The following FLI1 variants were observed in gnomAD, a reference collection of about 807,000 sequenced individuals.
FLI1 encodes the protein Fli-1 proto-oncogene, ETS transcription factor.
Under a neutral mutation model 53.1 loss-of-function variants are expected in FLI1, and 13 were observed. That is an observed-to-expected ratio of 0.24 (90% CI 0.16 to 0.39). FLI1 has a LOEUF of 0.39. Among genes scored for constraint, FLI1 ranks in the 10% least tolerant of loss-of-function variants. The pLI, the probability that FLI1 is intolerant of heterozygous loss-of-function variation, is 1.00. For synonymous variants in FLI1, 244 were observed against 236.7 expected (o/e 1.03, Z -0.28); for missense variants, 424 against 600.5 (o/e 0.71, Z 3.07).
intron 3 of FLI1, among the ~76,000 whole-genome samples, chr11:128,772,157 C>T (rs1426681048): frequency 6.6e-6 from 1 of 152,102 alleles, no homozygotes; most frequent in African/African-American, 2.4e-5. Context: ...CCTGTGTTCA[C>T]TCAAGAGCTA....
At chr11:128,754,403 TG>T (rs1400527086) in intron 1 of FLI1, among the ~76,000 whole-genome samples, 1 of 152,142 alleles carries the variant, frequency 6.6e-6, no homozygotes, top group Non-Finnish European at 1.5e-5. Flanking sequence ...CCTTACACAA[TG>T]GCAAAGATAA....
chr11:128,742,507 C>G (rs1422521722), intron 1 of FLI1, among the ~76,000 whole-genome samples: 1 of 152,222 alleles, frequency 6.6e-6, no homozygotes, highest in Admixed American at 6.5e-5. Flanking sequence ...GTGTCCACAG[C>G]CTGTGCTCTC....
intron 4 of FLI1, among the ~76,000 whole-genome samples, chr11:128,773,354 C>T (rs926074113): frequency 6.6e-6 from 1 of 152,096 alleles, no homozygotes; most frequent in African/African-American, 2.4e-5. Context: ...AAAATTCCTC[C>T]AGGAAACTCT....
chr11:128,756,490 G>A (rs916182890), intron 1 of FLI1, among the ~76,000 whole-genome samples: 7 of 152,094 alleles, frequency 4.6e-5, no homozygotes, highest in African/African-American at 1.4e-4. Context: ...TGAGTACTGC[G>A]GGTAAGGGCT....
At chr11:128,766,565 G>C (rs998926665) in intron 2 of FLI1, among the ~76,000 whole-genome samples, 1 of 151,994 alleles carries the variant, frequency 6.6e-6, no homozygotes, top group Non-Finnish European at 1.5e-5. Flanking sequence ...TTCAGATTAA[G>C]AAACAAATTC....
At chr11:128,730,433 T>A (rs1939649020) in intron 1 of FLI1, among the ~76,000 whole-genome samples, 2 of 152,224 alleles carry the variant, frequency 1.3e-5, no homozygotes, top group Admixed American at 6.5e-5. Context: ...AGCAAATCGG[T>A]GCTACTAAAG....
chr11:128,792,491 A>G (rs1228743661), intron 5 of FLI1, among the ~76,000 whole-genome samples: 2 of 152,200 alleles, frequency 1.3e-5, no homozygotes, highest in Admixed American at 1.3e-4. Context: ...GCTGCAAAGT[A>G]TATAAAAGAA....
chr11:128,685,134 T>G (rs1865778419), upstream of FLI1, among the ~76,000 whole-genome samples: 1 of 152,218 alleles, frequency 6.6e-6, no homozygotes, highest in Non-Finnish European at 1.5e-5. Flanking sequence ...AAAGCTTCAG[T>G]GCACGCATAG....
chr11:128,755,018 TAAG>T (rs1038589057), intron 1 of FLI1, among the ~76,000 whole-genome samples: 2 of 152,216 alleles, frequency 1.3e-5, no homozygotes, highest in Non-Finnish European at 2.9e-5. Context: ...CTCACTTCCT[TAAG>T]AAGTCTCTCC....
intron 5 of FLI1, among the ~76,000 whole-genome samples, chr11:128,797,486 A>G (rs531807171): frequency 3.9e-5 from 6 of 152,330 alleles, no homozygotes; most frequent in Admixed American, 6.5e-5. Context: ...CTCAAATTCT[A>G]TATTTTCAGA....
chr11:128,790,069 CGTGTGTGTGTGT>C (rs765614434), intron 5 of FLI1, among the ~76,000 whole-genome samples: 4 of 143,318 alleles, frequency 2.8e-5, no homozygotes, highest in African/African-American at 1.1e-4. Context: ...TGCATGCATG[CGTGTGTGTGTGT>C]GTGTGTGTGT....
chr11:128,781,330 C>T (rs1347518136), intron 4 of FLI1, among the ~76,000 whole-genome samples: 1 of 152,142 alleles, frequency 6.6e-6, no homozygotes, highest in African/African-American at 2.4e-5. Context: ...CAGAAGATAC[C>T]ACAGCAGGAA....
chr11:128,809,625 A>G (rs1343686987), intron 8 of FLI1, among the ~76,000 whole-genome samples: 3 of 152,246 alleles, frequency 2.0e-5, no homozygotes, highest in East Asian at 3.8e-4. Context: ...TTGCCAAGTT[A>G]TCTGGCCTTA....
chr11:128,807,916 T>C (rs2135919955), intron 7 of FLI1, among the ~76,000 whole-genome samples: 1 of 152,334 alleles, frequency 6.6e-6, no homozygotes, highest in East Asian at 1.9e-4. Context: ...TGAAGACAGC[T>C]GCTGTGCCCA....
At chr11:128,699,112 A>C (rs1431978615) in intron 1 of FLI1, among the ~76,000 whole-genome samples, 2 of 152,218 alleles carry the variant, frequency 1.3e-5, no homozygotes, top group Non-Finnish European at 2.9e-5. Context: ...ATCTATTAGA[A>C]GGCATCTTAT....
chr11:128,809,293 C>G, intron 8 of FLI1, 89 bp downstream of exon 8: 5 of 1,101,750 alleles, frequency 4.5e-6, no homozygotes, highest in South Asian at 2.5e-5. Flanking sequence ...AGTCCAGACA[C>G]CTGAGTGGGG....
At chr11:128,733,243 G>C (rs1351083900) in intron 1 of FLI1, among the ~76,000 whole-genome samples, 2 of 152,074 alleles carry the variant, frequency 1.3e-5, no homozygotes, top group Non-Finnish European at 2.9e-5. Flanking sequence ...AATTCCCTTG[G>C]GGAGTGTAAA....
chr11:128,688,911 G>A (rs1937634422), intron 1 of FLI1, among the ~76,000 whole-genome samples: 1 of 152,184 alleles, frequency 6.6e-6, no homozygotes, highest in Non-Finnish European at 1.5e-5. Flanking sequence ...AACAATCTTA[G>A]GAGGTAGTCC....
chr11:128,808,517 G>T (rs190380472), intron 7 of FLI1, among the ~76,000 whole-genome samples: 1 of 152,286 alleles, frequency 6.6e-6, no homozygotes, highest in Admixed American at 6.5e-5. Context: ...GTACACTCTG[G>T]TTTGTGCTGA....
Sources: allele counts gnomAD v4.1 joint callset (sites outside exome capture counted in the v4.1 genomes callset), GRCh38; gene constraint gnomAD v4.1.1; transcripts MANE v1.5; gene names NCBI Gene and HGNC (gene_info 2026-07-23, HGNC 2026-07-21).